PSD3: variants seen among roughly 807,000 people sequenced by gnomAD.
PSD3 encodes the protein PH and SEC7 domain-containing protein 3.
In PSD3, 49 loss-of-function variants were observed where a neutral mutation model predicts 105.5. That is an observed-to-expected ratio of 0.46 (90% CI 0.37 to 0.59). The LOEUF is 0.59. Among genes scored for constraint, PSD3 ranks in the 20% least tolerant of loss-of-function variants. PSD3 has a pLI of 0.00. For missense variants in PSD3, 1,561 were observed against 1,263.8 expected, an observed-to-expected ratio of 1.24 and a Z score of -3.57; for synonymous variants, 557 against 457.8, an observed-to-expected ratio of 1.22 and a Z score of -2.77.
At chr8:18,590,564 A>C (rs1803523951) in intron 12 of PSD3, among the ~76,000 whole-genome samples, 2 of 152,204 alleles carry the variant, frequency 1.3e-5, no homozygotes, top group Admixed American at 1.3e-4. Context: ...GAGGTAATTT[A>C]GAAATATGTT....
chr8:18,960,855 G>T lies in PSD3; in HGVS notation c.22-24713C>A, dbSNP rs538292080. On this transcript the variant is annotated intron_variant, in intron 1 of 15. Coordinates refer to ENST00000327040, the MANE Select transcript of PSD3 (RefSeq NM_015310.4). ...AATCCCAGGACTTTAAGAGGCCAAG[G>T]GGGCAGATCACTTGAGCACAGGAGT... Among the ~76,000 whole-genome samples the T allele has an allele frequency of 4.4e-4, 67 of 152,138 alleles. No homozygotes were observed. The East Asian group carries it at 0.012, about 27-fold the overall frequency.
At chr8:19,019,260 T>TA (rs372024975) in intron 1 of PSD3, among the ~76,000 whole-genome samples, 4 of 152,082 alleles carry the variant, frequency 2.6e-5, no homozygotes, top group Admixed American at 6.5e-5. Flanking sequence ...CATTTTTTTT[T>TA]ATCTCTATTA....
chr8:18,590,734 T>A (rs1019095117), intron 12 of PSD3, among the ~76,000 whole-genome samples: 1 of 152,100 alleles, frequency 6.6e-6, no homozygotes, highest in Non-Finnish European at 1.5e-5. Context: ...TAAATTATGA[T>A]AAATCTATTT....
chr8:18,646,906 C>T (rs1808078902), intron 10 of PSD3, among the ~76,000 whole-genome samples: 1 of 152,090 alleles, frequency 6.6e-6, no homozygotes, highest in African/African-American at 2.4e-5. Context: ...GTTCACAAAA[C>T]AAAGAGACTT....
At chr8:18,645,571 C>T (rs187007307) in intron 10 of PSD3, among the ~76,000 whole-genome samples, 2 of 152,262 alleles carry the variant, frequency 1.3e-5, no homozygotes, top group South Asian at 2.1e-4. Flanking sequence ...AGTTATTCTT[C>T]GTATAGATTG....
chr8:19,048,522 C>T (rs543086032), intron 1 of PSD3, among the ~76,000 whole-genome samples: 1 of 150,314 alleles, frequency 6.7e-6, no homozygotes, highest in East Asian at 1.9e-4. Context: ...GTTTAACTGC[C>T]AAAGTGCTAG....
chr8:18,573,819 G>A (rs541268306), intron 13 of PSD3, among the ~76,000 whole-genome samples: 9 of 152,126 alleles, frequency 5.9e-5, no homozygotes, highest in East Asian at 3.9e-4. Flanking sequence ...AAATGCGCAC[G>A]GGGATCTCTT....
chr8:18,579,107 CACA>C (rs1434201450), intron 12 of PSD3, among the ~76,000 whole-genome samples: 1 of 151,098 alleles, frequency 6.6e-6, no homozygotes, highest in East Asian at 1.9e-4. Context: ...CACACACACA[CACA>C]CACACACACA....
At chr8:18,771,281 C>T (rs1325349446) in intron 8 of PSD3, among the ~76,000 whole-genome samples, 1 of 152,044 alleles carries the variant, frequency 6.6e-6, no homozygotes, top group Non-Finnish European at 1.5e-5. Context: ...GGGTGCAGCC[C>T]TCACTGGGGA....
Position 18,541,752 on chromosome 8 carries a change from CT to C in PSD3, c.2929-5795del, listed in dbSNP as rs111558567. Among the ~76,000 whole-genome samples the C allele has an allele frequency of 7.2e-3, 1,023 of 141,234 alleles. 5 individuals are homozygous for C. Among genetic ancestry groups the C allele is most frequent in the African/African-American group, 0.016 (633 of 38,700 alleles). The allele number at this position is 141,234 out of a possible 152,430, so 92.7% of individuals were successfully genotyped here. A position where few individuals can be genotyped will look rare whatever the true frequency, so the allele number is the denominator to read the frequency against. On this transcript the variant is annotated intron_variant, in intron 15 of 15. Transcript: ENST00000327040. ...AAACATAGACCCATTTTCTGAGAAT[CT>C]TTTTTTTTTTTTTTGAGATGGAGTT...
At chr8:18,948,358 T>C (rs1563452679) in intron 1 of PSD3, among the ~76,000 whole-genome samples, 1 of 152,158 alleles carries the variant, frequency 6.6e-6, no homozygotes, top group Non-Finnish European at 1.5e-5. Context: ...GGAGAGCACT[T>C]GGGGATTTAA....
chr8:18,613,592 G>A (rs1160810822), intron 11 of PSD3, among the ~76,000 whole-genome samples: 1 of 152,028 alleles, frequency 6.6e-6, no homozygotes, highest in African/African-American at 2.4e-5. Context: ...GAATCTTAAT[G>A]AATGATACCT....
At chr8:18,724,793 G>A (rs887831528) in intron 9 of PSD3, among the ~76,000 whole-genome samples, 29 of 151,586 alleles carry the variant, frequency 1.9e-4, no homozygotes, top group African/African-American at 6.6e-4. Context: ...ATAAATGAAG[G>A]CATGAATAAA....
intron 1 of PSD3, among the ~76,000 whole-genome samples, chr8:18,978,603 C>A (rs1345538692): frequency 2.0e-5 from 3 of 152,112 alleles, no homozygotes; most frequent in Non-Finnish European, 1.5e-5. Flanking sequence ...GACACAGTAA[C>A]CTCAACATGG....
chr8:18,906,443 T>C (rs1430559140), intron 2 of PSD3, among the ~76,000 whole-genome samples: 1 of 152,178 alleles, frequency 6.6e-6, no homozygotes, highest in Non-Finnish European at 1.5e-5. Context: ...AATTCATAGT[T>C]AGGAGCAAAC....
chr8:18,539,547 CTTTT>C (rs547299808), intron 15 of PSD3, among the ~76,000 whole-genome samples: 13 of 133,830 alleles, frequency 9.7e-5, no homozygotes, highest in South Asian at 7.3e-4. Context: ...TAGTAAATTA[CTTTT>C]TTTTTTTTTT....
intron 10 of PSD3, among the ~76,000 whole-genome samples, chr8:18,649,528 G>T (rs1808314551): frequency 6.6e-6 from 1 of 152,160 alleles, no homozygotes; most frequent in Non-Finnish European, 1.5e-5. Context: ...AGGCACAAGG[G>T]ACTAGGCTTG....
chr8:18,537,690 T>C (rs1585194370), intron 15 of PSD3, among the ~76,000 whole-genome samples: 1 of 152,222 alleles, frequency 6.6e-6, no homozygotes, highest in South Asian at 2.1e-4. Context: ...TTCTTTTTTT[T>C]TTTTGAGACA....
intron 15 of PSD3, among the ~76,000 whole-genome samples, chr8:18,539,864 G>A (rs1449032827): frequency 6.6e-6 from 1 of 152,056 alleles, no homozygotes; most frequent in Admixed American, 6.6e-5. Flanking sequence ...ACTTTTTAAA[G>A]GTTTGACACA....
Sources: gnomAD v4.1 joint callset for allele counts (sites outside exome capture counted in the v4.1 genomes callset) on GRCh38, gnomAD v4.1.1 for gene constraint, MANE v1.5 for transcripts, NCBI Gene and HGNC (gene_info 2026-07-23, HGNC 2026-07-21) for gene names.